Variants in STPG2 observed in about 807,000 individuals in gnomAD.
STPG2 encodes sperm-tail PG-rich repeat-containing protein 2.
In STPG2, 56 loss-of-function variants were observed where a neutral mutation model predicts 54.2. The ratio of observed to expected loss-of-function variants is 1.03; its 90% CI spans 0.83 to 1.29. The LOEUF (loss-of-function observed/expected upper bound fraction) is 1.29, where lower values mean the gene tolerates loss of function less well. STPG2 is among the 50% of genes most tolerant of loss of function. STPG2 has a pLI of 0.00. For missense variants in STPG2, 596 were observed against 544.9 expected (o/e 1.09, Z -0.93); for synonymous variants, 200 against 181.8 (o/e 1.10, Z -0.81).
rs533411806 is a variant in STPG2, at chr4:97,916,406, A to C, written c.1044+27491T>G. 5 of 152,764 alleles carry C rather than the reference A, an allele frequency of 3.3e-5. No individual in the cohort carries two copies. The East Asian group carries it at 9.7e-4, about 30-fold the overall frequency. 9.5% of individuals were successfully genotyped at this position (152,764 alleles called of 1,614,324 possible). On this transcript the variant is annotated intron_variant, in intron 8 of 10. Transcript: ENST00000295268. The stretch of plus-strand genomic sequence containing the variant: ...GATTTCCCCTGTATCACATGAAGGA[A>C]GGCATCACTGACCTCCTCCAGCTTG...
At chr4:97,541,645 AAG>A (rs1731708581) in intron 4 of STPG2, among the ~76,000 whole-genome samples, 1 of 152,228 alleles carries the variant, frequency 6.6e-6, no homozygotes, top group East Asian at 1.9e-4. Context: ...GGAACCAAAA[AAG>A]AGCCTGCATT....
At chr4:98,024,957 T>G (rs941038156) in intron 5 of STPG2, among the ~76,000 whole-genome samples, 75 of 152,198 alleles carry the variant, frequency 4.9e-4, no homozygotes, top group African/African-American at 1.8e-3. Flanking sequence ...TCTTTAGGAT[T>G]CTCTTGAACA....
intron 7 of STPG2, among the ~76,000 whole-genome samples, chr4:97,966,686 C>T (rs1161412601): frequency 6.6e-6 from 1 of 152,146 alleles, no homozygotes; most frequent in Admixed American, 6.6e-5. Flanking sequence ...CAGCAGAAAC[C>T]CTACAAGCCA....
intron 8 of STPG2, among the ~76,000 whole-genome samples, chr4:97,856,943 T>C (rs1729357594): frequency 6.6e-6 from 1 of 152,356 alleles, no homozygotes; most frequent in South Asian, 2.1e-4. Context: ...TTATTCTCTT[T>C]ATGTGATGAA....
chr4:98,019,142 A>G (rs1245876064), intron 5 of STPG2, among the ~76,000 whole-genome samples: 1 of 152,114 alleles, frequency 6.6e-6, no homozygotes, highest in African/African-American at 2.4e-5. Flanking sequence ...TAGACTTTTT[A>G]TGGTTTTAGG....
At chr4:98,134,602 CATT>C (rs1431150944) in intron 1 of STPG2, 143 bp from the exon 2 acceptor site, 1 of 341,874 alleles carries the variant, frequency 2.9e-6, no homozygotes, top group African/African-American at 2.2e-5. Context: ...GAAGTTATTA[CATT>C]TTTTAAAATC....
At chr4:97,915,606 T>A (rs1235057937) in intron 8 of STPG2, among the ~76,000 whole-genome samples, 1 of 151,804 alleles carries the variant, frequency 6.6e-6, no homozygotes, top group Non-Finnish European at 1.5e-5. Context: ...CAAAGGTAGG[T>A]CTTAGAGGTC....
chr4:97,577,696 T>A (rs1732757560), intron 10 of STPG2, among the ~76,000 whole-genome samples: 1 of 152,184 alleles, frequency 6.6e-6, no homozygotes, highest in African/African-American at 2.4e-5. Flanking sequence ...ATATGTCATA[T>A]AACAAACCTG....
chr4:98,030,373 A>G (rs1736557211), intron 5 of STPG2, among the ~76,000 whole-genome samples: 1 of 152,164 alleles, frequency 6.6e-6, no homozygotes, highest in Non-Finnish European at 1.5e-5. Flanking sequence ...GCAATAATCT[A>G]TGCAATTCCC....
chr4:97,935,745 G>T (rs1192611505), intron 8 of STPG2, among the ~76,000 whole-genome samples: 1 of 152,230 alleles, frequency 6.6e-6, no homozygotes, highest in South Asian at 2.1e-4. Context: ...CTGAGAGACT[G>T]TTTAGTATGA....
At chr4:98,037,042 T>A (rs1436934392) in intron 5 of STPG2, among the ~76,000 whole-genome samples, 5 of 152,038 alleles carry the variant, frequency 3.3e-5, no homozygotes, top group Non-Finnish European at 7.4e-5. Context: ...TCTGAAGTAA[T>A]AGACAAATAT....
intron 4 of STPG2, among the ~76,000 whole-genome samples, chr4:97,468,904 A>G (rs1729855765): frequency 6.6e-6 from 1 of 152,062 alleles, no homozygotes; most frequent in African/African-American, 2.4e-5. Context: ...ATAACTAAGA[A>G]ACACAAGCTC....
intron 10 of STPG2, among the ~76,000 whole-genome samples, chr4:97,670,890 A>C (rs1722675686): frequency 6.6e-6 from 1 of 152,206 alleles, no homozygotes; most frequent in Non-Finnish European, 1.5e-5. Flanking sequence ...GACCTGTCAC[A>C]CTAATGACTA....
chr4:97,534,983 A>C (rs1731496150), intron 4 of STPG2, among the ~76,000 whole-genome samples: 1 of 152,172 alleles, frequency 6.6e-6, no homozygotes. Context: ...ATACTTTTCT[A>C]TTTGATGAAT....
intron 9 of STPG2, among the ~76,000 whole-genome samples, chr4:97,806,645 C>T (rs1727577177): frequency 6.6e-6 from 1 of 152,036 alleles, no homozygotes; most frequent in Non-Finnish European, 1.5e-5. Flanking sequence ...AGTGCATTCA[C>T]CCCTAATATA....
chr4:97,875,226 G>A (rs1730132545), intron 8 of STPG2, among the ~76,000 whole-genome samples: 1 of 151,788 alleles, frequency 6.6e-6, no homozygotes, highest in East Asian at 1.9e-4. Context: ...AGAATATCTG[G>A]GTCTTTGGTA....
intron 4 of STPG2, among the ~76,000 whole-genome samples, chr4:97,446,610 T>C (rs1199571837): frequency 6.6e-6 from 1 of 152,134 alleles, no homozygotes; most frequent in Non-Finnish European, 1.5e-5. Flanking sequence ...TGGGAGGTGA[T>C]TGGATGATGG....
chr4:97,816,828 C>A (rs922879294), intron 9 of STPG2, among the ~76,000 whole-genome samples: 3 of 150,462 alleles, frequency 2.0e-5, no homozygotes, highest in Non-Finnish European at 4.4e-5. Context: ...TCCTTCCTTC[C>A]TTCCCTTCCT....
Position 97,767,897 on chromosome 4 carries a change from A to G in STPG2, c.1205-55083T>C, listed in dbSNP as rs529108701. 4.6e-5 allele frequency among the ~76,000 whole-genome samples: 7 copies of G among 152,252 alleles called. No individual in the cohort carries two copies. The South Asian group carries it at 6.2e-4, about 14-fold the overall frequency. On this transcript the variant is annotated intron_variant, in intron 9 of 10. Coordinates refer to ENST00000295268, the MANE Select transcript of STPG2 (RefSeq NM_174952.3). Reference sequence around the variant, plus strand: ...TAAAACATAGAGTTGGCCAGGCACGATGGCTCACGCCTGTAATCCCAGCAC... The same window carrying G: ...TAAAACATAGAGTTGGCCAGGCACGGTGGCTCACGCCTGTAATCCCAGCAC...
Sources: gnomAD v4.1 joint callset for allele counts (sites outside exome capture counted in the v4.1 genomes callset) on GRCh38, gnomAD v4.1.1 for gene constraint, MANE v1.5 for transcripts, NCBI Gene and HGNC (gene_info 2026-07-23, HGNC 2026-07-21) for gene names.